TANC1: variants seen among roughly 807,000 people sequenced by gnomAD.
TANC1 encodes tetratricopeptide repeat, ankyrin repeat and coiled-coil containing 1, also known as protein TANC1.
A neutral mutation model predicts 149.7 loss-of-function variants in TANC1; 77 were observed. The observed-to-expected ratio is 0.51, with a 90% CI of 0.43 to 0.62. TANC1 has a LOEUF of 0.62. TANC1 is among the 20% of genes least tolerant of loss of function. TANC1 has a pLI of 0.00. For synonymous variants in TANC1, 854 were observed against 925.0 expected (o/e 0.92, Z 1.39); for missense variants, 1,985 against 2,321.8 (o/e 0.85, Z 2.98).
At chr2:158,969,610 C>T (rs1022453311) in intron 1 of TANC1, among the ~76,000 whole-genome samples, 4 of 152,216 alleles carry the variant, frequency 2.6e-5, no homozygotes, top group Non-Finnish European at 4.4e-5. Context: ...GCGGGGCTCC[C>T]GGCTTTGGCG....
chr2:159,219,951 G>T, intron 22 of TANC1, 84 bp downstream of exon 22: 1 of 1,373,912 alleles, frequency 7.3e-7, no homozygotes, highest in Non-Finnish European at 1.0e-6. Context: ...GGGCCTGCAT[G>T]AGGTTGTGTC....
chr2:159,090,547 A>G (rs11883737), intron 3 of TANC1, among the ~76,000 whole-genome samples: 15,683 of 152,232 alleles, frequency 0.1, 829 homozygotes, highest in African/African-American at 0.11. Context: ...AAACTGAATC[A>G]GGTGTAGCAT....
intron 19 of TANC1, among the ~76,000 whole-genome samples, chr2:159,210,503 G>A (rs1292609342): frequency 1.3e-5 from 2 of 152,140 alleles, no homozygotes; most frequent in East Asian, 1.9e-4. Context: ...ATTTTATGGT[G>A]CAAAAAGCTC....
chr2:159,219,747 T>C lies in TANC1; in HGVS notation c.3558T>C (p.Cys1186=). Residue 1186 remains cysteine, a synonymous_variant, in exon 22 of 27, where the codon TGT becomes TGC. Coordinates refer to ENST00000263635, the MANE Select transcript of TANC1 (RefSeq NM_033394.3). Reference sequence around the variant, plus strand: ...GTCTGTCAGCATTAAGCTGGGCTTGTCTGAAAGGTCACAGGGCAGTGGTCC... The same window carrying C: ...GTCTGTCAGCATTAAGCTGGGCTTGCCTGAAAGGTCACAGGGCAGTGGTCC... ...KEGLSALSWA[C]LKGHRAVVQY... The C allele has an allele frequency of 6.2e-7, 1 of 1,614,232 alleles. No individual in the cohort carries two copies. Among genetic ancestry groups the C allele is most frequent in the Non-Finnish European group, 8.5e-7 (1 of 1,180,046 alleles).
At chr2:159,181,059 T>G (rs2056418856) in intron 14 of TANC1, among the ~76,000 whole-genome samples, 1 of 152,330 alleles carries the variant, frequency 6.6e-6, no homozygotes, top group East Asian at 1.9e-4. Flanking sequence ...AGCAGAAAAT[T>G]TCAACCCTCA....
At chr2:159,029,734 T>A (rs1470221317) in intron 2 of TANC1, among the ~76,000 whole-genome samples, 3 of 152,114 alleles carry the variant, frequency 2.0e-5, no homozygotes, top group East Asian at 3.9e-4. Context: ...CAGTTAATTT[T>A]AAAAATTTTG....
chr2:158,987,213 CAAAA>C (rs34300029), intron 1 of TANC1, among the ~76,000 whole-genome samples: 1 of 76,026 alleles, frequency 1.3e-5, no homozygotes, highest in Non-Finnish European at 2.3e-5. Context: ...GACTCATCTC[CAAAA>C]AAAAAAAAAA....
At chr2:159,056,748 C>A in intron 2 of TANC1, 2 of 310,550 alleles carry the variant, frequency 6.4e-6, no homozygotes, top group East Asian at 7.2e-5. Context: ...AGCAGTGTAG[C>A]ACAAGATGGC....
rs1226717371 is a variant in TANC1, at chr2:158,968,802, C to T, written c.-126+20C>T. The stretch of plus-strand genomic sequence containing the variant: ...CGGCAGGTAACTCCCGCAGCCCGGA[C>T]TCCGCCGCGGGCCTGCGAGCGCCCC... On this transcript the variant is annotated intron_variant, in intron 1 of 26. Coordinates refer to ENST00000263635, the MANE Select transcript of TANC1 (RefSeq NM_033394.3). The T allele has an allele frequency of 6.6e-6, 1 of 152,442 alleles. No individual in the cohort carries two copies. Among genetic ancestry groups the T allele is most frequent in the East Asian group, 1.9e-4 (1 of 5,180 alleles). The allele number at this position is 152,442 out of a possible 1,614,324, so 9.4% of individuals were successfully genotyped here. A position where few individuals can be genotyped will look rare whatever the true frequency, so the allele number is the denominator to read the frequency against.
chr2:159,040,005 T>A (rs920671404), intron 2 of TANC1, among the ~76,000 whole-genome samples: 12 of 152,228 alleles, frequency 7.9e-5, no homozygotes, highest in African/African-American at 2.9e-4. Flanking sequence ...TGTAGGTCTC[T>A]AAGGACTTGC....
intron 2 of TANC1, chr2:159,004,102 C>T (rs1226541351): frequency 1.2e-6 from 2 of 1,611,304 alleles, no homozygotes; most frequent in Non-Finnish European, 8.5e-7. Context: ...TTTGCAATTA[C>T]TGGTCATGCA....
At position 159,230,582 on chromosome 2, in the gene TANC1, G is replaced by A. The variant is rs369353253; in HGVS notation, c.5156G>A (p.Arg1719His). 29 of 1,614,164 alleles carry A rather than the reference G, an allele frequency of 1.8e-5. 1 individual carries two copies. In the East Asian group the frequency reaches 2.5e-4, roughly 14 times the overall value. The part of the protein sequence containing the change: ...VQSGTAEHRP[R>H]NTPFMGIMDK... ...AGCGGTACAGCTGAGCACAGACCCCGCAACACGCCGTTCATGGGCATCATG... is the reference window on the plus strand; with the variant it reads ...AGCGGTACAGCTGAGCACAGACCCCACAACACGCCGTTCATGGGCATCATG... Residue 1719 changes from arginine (R) to histidine (H), a missense_variant, in exon 27 of 27, where the codon CGC (arginine) becomes CAC (histidine). Around this residue, in one of 3 missense-constraint regions of TANC1, gnomAD observed 920 missense variants for 994.7 expected, o/e 0.92. Transcript: ENST00000263635. This position sits in a 1 kb window ranked among gnomAD's most constrained non-coding sequence, Gnocchi z 4.4.
In TANC1 at chr2:159,179,004, G is replaced by C; in HGVS notation, c.2351G>C (p.Gly784Ala). 1 of 1,614,100 alleles carries C rather than the reference G, an allele frequency of 6.2e-7. No homozygotes were observed. Among genetic ancestry groups the C allele is most frequent in the Non-Finnish European group, 8.5e-7 (1 of 1,180,030 alleles). The change falls in exon 14 of 27, where the codon GGG becomes GCG. Residue 784 changes from glycine to alanine, a missense_variant. Around this residue, in one of 3 missense-constraint regions of TANC1, gnomAD observed 508 missense variants for 714.2 expected, o/e 0.71. Transcript: ENST00000263635. ...GCTATTAATGCTGGCCACATCCAGG[G>C]GGAGCAGGGATGGGAAGACTTTCAG... is the stretch of plus-strand genomic sequence containing the variant. ...FQAINAGHIQ[G>A]EQGWEDFQQR...
intron 2 of TANC1, among the ~76,000 whole-genome samples, chr2:159,055,633 G>A (rs890893985): frequency 3.3e-5 from 5 of 152,032 alleles, no homozygotes; most frequent in Admixed American, 6.6e-5. Flanking sequence ...CATTTATTCC[G>A]ACTGTGTTTG....
chr2:159,079,973 T>C (rs2044098433), intron 3 of TANC1, among the ~76,000 whole-genome samples: 1 of 152,110 alleles, frequency 6.6e-6, no homozygotes, highest in Non-Finnish European at 1.5e-5. Flanking sequence ...GAAAGGGTAG[T>C]TTGGTAGTCT....
At chr2:159,123,034 A>T (rs2049018291) in intron 4 of TANC1, among the ~76,000 whole-genome samples, 1 of 152,148 alleles carries the variant, frequency 6.6e-6, no homozygotes, top group South Asian at 2.1e-4. Context: ...CATAAATCCT[A>T]TTAAGAGCAA....
intron 7 of TANC1, among the ~76,000 whole-genome samples, chr2:159,155,665 A>G (rs749781455): frequency 6.6e-6 from 1 of 152,310 alleles, no homozygotes; most frequent in South Asian, 2.1e-4. Context: ...TCAGAATTCA[A>G]GCTCTTCTGA....
At chr2:159,226,067 G>A (rs188742643) in intron 24 of TANC1, 36 of 379,038 alleles carry the variant, frequency 9.5e-5, no homozygotes, top group Middle Eastern at 1.7e-3. Context: ...CTACTCGGGA[G>A]GCTGAGGCAG....
intron 2 of TANC1, among the ~76,000 whole-genome samples, chr2:159,053,721 T>C (rs1016312929): frequency 5.9e-5 from 9 of 152,234 alleles, no homozygotes; most frequent in Non-Finnish European, 2.9e-5. Flanking sequence ...CCATAGTTGC[T>C]AACTTCTGGG....
Sources: allele counts gnomAD v4.1 joint callset (sites outside exome capture counted in the v4.1 genomes callset), GRCh38; gene constraint gnomAD v4.1.1; regional missense constraint gnomAD v4.1.1; non-coding constraint Gnocchi (gnomAD v3.1); transcripts MANE v1.5; gene names NCBI Gene and HGNC (gene_info 2026-07-23, HGNC 2026-07-21).